TRIOBP: variants seen among roughly 807,000 people sequenced by gnomAD.
The protein encoded by TRIOBP is TRIO and F-actin binding protein.
TRIOBP carries 169 observed loss-of-function variants against 238.8 expected under a neutral mutation model. That is an observed-to-expected ratio of 0.71 (90% CI 0.62 to 0.80). The LOEUF is 0.80. Ranked by LOEUF, TRIOBP falls within the 30% of genes least tolerant of loss-of-function variation. The pLI is 0.00. For synonymous variants in TRIOBP, 1,150 were observed against 1,274.4 expected (o/e 0.90, Z 2.08); for missense variants, 2,838 against 3,122.6 (o/e 0.91, Z 2.17).
intron 6 of TRIOBP, among the ~76,000 whole-genome samples, chr22:37,719,513 A>G (rs948716960): frequency 3.3e-5 from 5 of 152,128 alleles, no homozygotes; most frequent in Non-Finnish European, 5.9e-5. Flanking sequence ...CTGAGGAGCA[A>G]TGTTCACTCA....
intron 17 of TRIOBP, among the ~76,000 whole-genome samples, chr22:37,764,813 C>T (rs931654191): frequency 3.3e-5 from 5 of 152,228 alleles, no homozygotes; most frequent in Non-Finnish European, 5.9e-5. Flanking sequence ...ATGTCAGGCC[C>T]TGGCCTAGAC....
At chr22:37,708,317 G>A (rs539272847) in intron 3 of TRIOBP, among the ~76,000 whole-genome samples, 9 of 151,250 alleles carry the variant, frequency 6.0e-5, no homozygotes, top group Middle Eastern at 3.5e-3. Context: ...CACTTTGGCC[G>A]AGGCAGGCAG....
Position 37,755,560 on chromosome 22 carries a change from CTGTCT to C in TRIOBP, c.5589_5593del (p.Val1864TyrfsTer36). The C allele has an allele frequency of 6.2e-7, 1 of 1,613,986 alleles. No individual in the cohort carries two copies. The highest frequency in any genetic ancestry group is 8.5e-7 in the Non-Finnish European group (1 of 1,180,012). On this transcript the variant is annotated frameshift_variant, in exon 15 of 24. Transcript: ENST00000644935. LOFTEE classifies it high-confidence loss of function. ...GCGGTGGCCTTGCAGACCAAGGATGCTGTCTATACCTTGTCGGCCATGACCTCAGG... is the reference window on the plus strand; with the variant it reads ...GCGGTGGCCTTGCAGACCAAGGATGCATACCTTGTCGGCCATGACCTCAGG...
At position 37,726,331 on chromosome 22, in the gene TRIOBP, G is replaced by A. The variant is rs755555403; in HGVS notation, c.3775G>A (p.Gly1259Arg). The change falls in exon 7 of 24, where the codon GGG (glycine) becomes AGG (arginine). Residue 1259 changes from glycine to arginine, a missense_variant. Physicochemically the swap from Gly to Arg is moderately radical, Grantham distance 125. Transcript: ENST00000644935. ...SGGSRGSAPP[G>R]ETRHNLEREE... Reference sequence around the variant, plus strand: ...GGGCTCCCGGGGCTCAGCGCCTCCCGGGGAGACCAGGCACAACTTGGAGCG... The same window carrying A: ...GGGCTCCCGGGGCTCAGCGCCTCCCAGGGAGACCAGGCACAACTTGGAGCG... 18 of 1,611,504 alleles carry A rather than the reference G, an allele frequency of 1.1e-5. No individual in the cohort carries two copies. The highest frequency in any genetic ancestry group is 1.6e-4 in the Middle Eastern group (1 of 6,074).
At chr22:37,709,167 A>T (rs1923105000) in intron 3 of TRIOBP, among the ~76,000 whole-genome samples, 1 of 152,064 alleles carries the variant, frequency 6.6e-6, no homozygotes, top group South Asian at 2.1e-4. Flanking sequence ...TCCCAACCCC[A>T]CTTCTTGGCA....
Position 37,768,113 on chromosome 22 carries a change from G to T in TRIOBP, c.6512G>T (p.Ser2171Ile), listed in dbSNP as rs552205152. ...AMKKAYQEEL[S>I]RELSKTRSLQ... The stretch of plus-strand genomic sequence containing the variant: ...AAGAAGGCCTACCAGGAAGAGCTGA[G>T]CCGAGAGCTGAGCAAAACACGGAGT... Residue 2171 changes from serine (S) to isoleucine (I), a missense_variant, in exon 19 of 24, where the codon AGC becomes ATC. By Grantham distance (142) the Ser-to-Ile change is moderately radical (BLOSUM62 -2). Around this residue, in one of 5 missense-constraint regions of TRIOBP, gnomAD observed 2,096 missense variants for 2,137.4 expected, o/e 0.98. Coordinates refer to ENST00000644935, the MANE Select transcript of TRIOBP (RefSeq NM_001039141.3). 3.1e-6 allele frequency: 5 copies of T among 1,613,568 alleles called. No homozygotes were observed. The East Asian group carries it at 1.1e-4, about 36-fold the overall frequency.
At chr22:37,734,217 C>T (rs971571592) in intron 8 of TRIOBP, among the ~76,000 whole-genome samples, 182 bp from the exon 9 acceptor site, 5 of 152,122 alleles carry the variant, frequency 3.3e-5, no homozygotes, top group Non-Finnish European at 4.4e-5. Context: ...CTGAGGAAAG[C>T]GGGTGAAAGG....
At chr22:37,762,601 T>C (rs78983727) in intron 17 of TRIOBP, among the ~76,000 whole-genome samples, 7,441 of 152,038 alleles carry the variant, frequency 0.049, 262 homozygotes, top group Non-Finnish European at 0.077. Context: ...TTGGTCCCGT[T>C]AGGGTGGGAT....
chr22:37,709,190 A>G (rs1923105649), intron 3 of TRIOBP, among the ~76,000 whole-genome samples: 1 of 152,172 alleles, frequency 6.6e-6, no homozygotes, highest in Non-Finnish European at 1.5e-5. Flanking sequence ...GCCTGACCCC[A>G]GCAGTGGCCT....
intron 11 of TRIOBP, chr22:37,746,158 T>G (rs1601648479): frequency 3.9e-5 from 38 of 981,218 alleles, no homozygotes; most frequent in Admixed American, 6.2e-5. Context: ...CCCCCGCCGC[T>G]GTTTGTCTCG....
rs1924613035 is a variant in TRIOBP at position 37,735,216 on chromosome 22, A to G, written c.4880A>G (p.His1627Arg). ...AACGATGTCCCTGAGCAGGAGTCAC[A>G]CAGCCAGCCAGAAGGCTGGGCCGAG... ...GTNDVPEQES[H>R]SQPEGWAEAT... The change falls in exon 9 of 24, where the codon CAC (histidine) becomes CGC (arginine). Residue 1627 changes from histidine (H) to arginine (R), a missense_variant. Transcript: ENST00000644935. The G allele has an allele frequency of 4.4e-6, 7 of 1,607,072 alleles. No homozygotes were observed. In the East Asian group the frequency reaches 1.6e-4, roughly 36 times the overall value.
chr22:37,734,450 G>C lies in TRIOBP; in HGVS notation c.4114G>C (p.Glu1372Gln). 2 of 1,613,240 alleles carry C rather than the reference G, an allele frequency of 1.2e-6. No individual in the cohort carries two copies. The highest frequency in any genetic ancestry group is 2.2e-5 in the East Asian group (1 of 44,860). The change falls in exon 9 of 24, where the codon GAG (glutamate) becomes CAG (glutamine). Residue 1372 changes from glutamate (E) to glutamine (Q), a missense_variant. By Grantham distance (29) the Glu-to-Gln change is conservative (BLOSUM62 2). This residue lies in a region of TRIOBP where 2,096 missense variants were observed against 2,137.4 expected (regional missense o/e 0.98). Transcript: ENST00000644935. ...QAELTRRSQA[E>Q]PPHPWSPEKR... ...AGAACTGACCCGGCGGAGCCAAGCA[G>C]AGCCCCCTCATCCTTGGAGTCCTGA...
At chr22:37,746,102 A>G in intron 11 of TRIOBP, 2 of 725,908 alleles carry the variant, frequency 2.8e-6, no homozygotes, top group East Asian at 1.3e-4. Context: ...CCGTTGCGGC[A>G]GGTCCCGCCC....
At chr22:37,707,225 G>A (rs1268752170) in intron 3 of TRIOBP, among the ~76,000 whole-genome samples, 1 of 152,058 alleles carries the variant, frequency 6.6e-6, no homozygotes, top group Non-Finnish European at 1.5e-5. Context: ...GCAGTGAGCC[G>A]AGATCTGGCC....
Position 37,755,675 on chromosome 22 carries a change from G to C in TRIOBP, c.5687+16G>C. 6.2e-7 allele frequency: 1 copy of C among 1,612,548 alleles called. No homozygotes were observed. ...ATGTCACCAAGTACGTACTAAGCTG[G>C]ACTGGGGCCTTGAGGGAGGCACTTA... On this transcript the variant is annotated intron_variant, in intron 15 of 23. Coordinates refer to ENST00000644935, the MANE Select transcript of TRIOBP (RefSeq NM_001039141.3).
At chr22:37,759,841 C>G in intron 17 of TRIOBP, 1 of 1,171,336 alleles carries the variant, frequency 8.5e-7, no homozygotes, top group South Asian at 1.8e-5. Flanking sequence ...GACAAACTAA[C>G]TCTCTAGAAA....
At chr22:37,740,429 AGGTGGGGGGGCACCGAG>A (rs980940530) in intron 10 of TRIOBP, among the ~76,000 whole-genome samples, 1 of 152,220 alleles carries the variant, frequency 6.6e-6, no homozygotes, top group Non-Finnish European at 1.5e-5. Context: ...AATGGTGAGA[AGGTGGGGGGGCACCGAG>A]GGCACTTGTG....
At chr22:37,751,622 G>A (rs937727779) in intron 11 of TRIOBP, 150 bp from the exon 12 acceptor site, 16 of 796,714 alleles carry the variant, frequency 2.0e-5, no homozygotes, top group Non-Finnish European at 3.4e-5. Flanking sequence ...TGGACTTGGG[G>A]GTTACCTAGG....
Position 37,735,268 on chromosome 22 carries a change from C to T in TRIOBP, c.4932C>T (p.Pro1644=), listed in dbSNP as rs192500421. 9.4e-5 allele frequency: 151 copies of T among 1,609,316 alleles called. No individual in the cohort carries two copies. Among genetic ancestry groups the T allele is most frequent in the Middle Eastern group, 1.7e-4 (1 of 6,052 alleles). ...CCACCCCAGTCAATGGACACAGCCCCGCACTGCAGTCCCAGAGCCCGGTCC... is the reference window on the plus strand; with the variant it reads ...CCACCCCAGTCAATGGACACAGCCCTGCACTGCAGTCCCAGAGCCCGGTCC... The part of the protein sequence containing the change: ...AEATPVNGHS[P]ALQSQSPVQL... Residue 1644 remains proline, a synonymous_variant, in exon 9 of 24, where the codon CCC becomes CCT. Transcript: ENST00000644935.
Sources: gnomAD v4.1 joint callset for allele counts (sites outside exome capture counted in the v4.1 genomes callset) on GRCh38, gnomAD v4.1.1 for gene constraint, gnomAD v4.1.1 regional missense constraint, MANE v1.5 for transcripts, NCBI Gene and HGNC (gene_info 2026-07-23, HGNC 2026-07-21) for gene names.